The following BPIFB4 variants were observed in gnomAD, a reference collection of about 807,000 sequenced individuals.
BPIFB4 encodes BPI fold containing family B member 4.
BPIFB4 carries 62 observed loss-of-function variants against 69.2 expected under a neutral mutation model. That is an observed-to-expected ratio of 0.90 (90% CI 0.73 to 1.11). The LOEUF is 1.11. Ranked by LOEUF, BPIFB4 falls within the 50% of genes least tolerant of loss-of-function variation. The probability of loss-of-function intolerance (pLI) is 0.00; values close to 1 mark genes in which losing one functional copy is unlikely to be tolerated. For synonymous variants in BPIFB4, 330 were observed against 332.7 expected (o/e 0.99, Z 0.09); for missense variants, 789 against 792.0 (o/e 1.00, Z 0.04).
chr20:33,083,506 C>A lies in BPIFB4; in HGVS notation c.309C>A (p.Tyr103Ter). The A allele has an allele frequency of 6.2e-7, 1 of 1,614,002 alleles. No homozygotes were observed. The highest frequency in any genetic ancestry group is 8.5e-7 in the Non-Finnish European group (1 of 1,179,966). ...ACACTGCTCAGCTGGGGGGCAAATA[C>A]CGATATGGTGAGATCCTTGAGTCCG... is the stretch of plus-strand genomic sequence containing the variant. ...NDNTAQLGGK[Y>*]RYGEILESEG... is the part of the protein sequence containing the mutation. Residue 103 changes from tyrosine (Y) to a stop codon, truncating the protein, a stop_gained, in exon 5 of 18, where the codon TAC becomes TAA. Transcript: ENST00000375483. LOFTEE classifies it high-confidence loss of function.
chr20:33,082,805 C>A, intron 3 of BPIFB4, 133 bp from the exon 4 acceptor site: 1 of 849,078 alleles, frequency 1.2e-6, no homozygotes. Flanking sequence ...AGAAGTCATC[C>A]CGTTCAGCCT....
At position 33,100,758 on chromosome 20, in the gene BPIFB4, G is replaced by A. The variant is rs537507850; in HGVS notation, c.1637+265G>A. Among the ~76,000 whole-genome samples, 3 of 152,368 alleles carry A rather than the reference G, an allele frequency of 2.0e-5. No homozygotes were observed. The South Asian group carries it at 6.2e-4, about 32-fold the overall frequency. The stretch of plus-strand genomic sequence containing the variant: ...GGTGTGGGCACAGTAGCCCATGCCT[G>A]TAGTCTCAGTGCTTTGGGAGGCCGA... On this transcript the variant is annotated intron_variant, in intron 14 of 17. Transcript: ENST00000375483.
chr20:33,082,889 G>A, intron 3 of BPIFB4, 49 bp from the exon 4 acceptor site: 1 of 1,553,108 alleles, frequency 6.4e-7, no homozygotes, highest in Non-Finnish European at 8.9e-7. Context: ...GGGGGCTGGA[G>A]GTGGAAAAAA....
Position 33,083,301 on chromosome 20 carries a change from G to C in BPIFB4, c.170-66G>C. ...AGAGGGGGGCTGCTGGGTGGCAGTG[G>C]TGGTGGTCTTTTGGGTGGTGGCCGA... On this transcript the variant is annotated intron_variant, in intron 4 of 17. Coordinates refer to ENST00000375483, the MANE Select transcript of BPIFB4 (RefSeq NM_182519.3). The C allele has an allele frequency of 3.3e-6, 5 of 1,528,354 alleles. No individual in the cohort carries two copies. In the South Asian group the frequency reaches 4.9e-5, roughly 15 times the overall value. The allele number at this position is 1,528,354 out of a possible 1,614,324, so 94.7% of individuals were successfully genotyped here. A position where few individuals can be genotyped will look rare whatever the true frequency, so the allele number is the denominator to read the frequency against.
chr20:33,099,582 C>A (rs931149312), intron 13 of BPIFB4, among the ~76,000 whole-genome samples: 8 of 152,194 alleles, frequency 5.3e-5, no homozygotes, highest in African/African-American at 1.7e-4. Context: ...GGCCTCCTCT[C>A]TACCTCTCTA....
rs774809462 is a variant in BPIFB4 at position 33,092,644 on chromosome 20, A to C, written c.1330A>C (p.Ile444Leu). ...GAAGCAGCATGCTCTAGACCTGGAT[A>C]TCACCAATGGCATGGTGAGTCACAG... ...LQKQHALDLD[I>L]TNGMFEELPP... is the part of the protein sequence containing the mutation. Residue 444 changes from isoleucine (I) to leucine (L), a missense_variant, in exon 11 of 18, where the codon ATC becomes CTC. Ile to Leu is a conservative substitution (Grantham distance 5). Transcript: ENST00000375483. The C allele has an allele frequency of 1.9e-6, 3 of 1,610,692 alleles. No individual in the cohort carries two copies. Among genetic ancestry groups the C allele is most frequent in the Non-Finnish European group, 2.5e-6 (3 of 1,179,872 alleles).
At position 33,104,868 on chromosome 20, in the gene BPIFB4, T is replaced by A; in HGVS notation, c.1739T>A (p.Met580Lys). Residue 580 changes from methionine to lysine, a missense_variant, in exon 16 of 18, where the codon ATG becomes AAG. This residue lies in a region of BPIFB4 where 170 missense variants were observed against 193.6 expected (regional missense o/e 0.88). Transcript: ENST00000375483. ...KIFDLAFMPA[M>K]NAVLGSGVPL... ...TTTGACCTGGCATTCATGCCCGCAATGAACGGTGAGAGCGGGTGCCTGTGC... is the reference window on the plus strand; with the variant it reads ...TTTGACCTGGCATTCATGCCCGCAAAGAACGGTGAGAGCGGGTGCCTGTGC... 1.4e-5 allele frequency: 23 copies of A among 1,614,106 alleles called. 1 individual carries two copies. The highest frequency in any genetic ancestry group is 1.9e-5 in the Non-Finnish European group (22 of 1,179,986).
intron 16 of BPIFB4, among the ~76,000 whole-genome samples, chr20:33,107,256 A>G (rs370975627): frequency 8.7e-4 from 122 of 139,684 alleles, no homozygotes; most frequent in African/African-American, 3.0e-3. Context: ...AGAAAAGAAA[A>G]GAAGAGAAAA....
chr20:33,099,353 A>G (rs1400714372), intron 13 of BPIFB4, among the ~76,000 whole-genome samples: 3 of 152,136 alleles, frequency 2.0e-5, no homozygotes, highest in Admixed American at 2.0e-4. Context: ...CTAGCCCACG[A>G]GTGGGAATGG....
chr20:33,101,969 C>T (rs1021925119), intron 14 of BPIFB4, among the ~76,000 whole-genome samples: 1 of 152,190 alleles, frequency 6.6e-6, no homozygotes, highest in African/African-American at 2.4e-5. Flanking sequence ...TTTTCTTTTA[C>T]AACCAATATT....
chr20:33,083,403 G>A lies in BPIFB4; in HGVS notation c.206G>A (p.Arg69Gln), dbSNP rs13036385. ...GDIPYNDFHV[R>Q]GPPPVYTNGK... ...ATTCCCTACAATGACTTCCATGTCC[G>A]AGGACCCCCCCCAGTATATACCAAC... Residue 69 changes from arginine to glutamine, a missense_variant, in exon 5 of 18, where the codon CGA becomes CAA. Around this residue, in one of 3 missense-constraint regions of BPIFB4, gnomAD observed 611 missense variants for 575.4 expected, o/e 1.06. Transcript: ENST00000375483. The A allele has an allele frequency of 2.6e-5, 42 of 1,613,040 alleles. No homozygotes were observed. Among genetic ancestry groups the A allele is most frequent in the East Asian group, 8.9e-5 (4 of 44,840 alleles).
chr20:33,106,207 C>T lies in BPIFB4; in HGVS notation c.1744+1334C>T, dbSNP rs146371269. Among the ~76,000 whole-genome samples the T allele has an allele frequency of 3.2e-3, 485 of 152,224 alleles. 1 individual carries two copies. Among genetic ancestry groups the T allele is most frequent in the African/African-American group, 0.011 (472 of 41,520 alleles). ...GCTCTCTTTCTAGAACAGTAATTAG[C>T]AGGTTTACTTAGGCTCTGACAATCT... On this transcript the variant is annotated intron_variant, in intron 16 of 17. Coordinates refer to ENST00000375483, the MANE Select transcript of BPIFB4 (RefSeq NM_182519.3).
intron 10 of BPIFB4, among the ~76,000 whole-genome samples, chr20:33,091,658 A>G (rs1362704747): frequency 6.6e-6 from 1 of 152,230 alleles, no homozygotes; most frequent in East Asian, 1.9e-4. Context: ...AGAGATATTC[A>G]TTGGTCACCC....
At chr20:33,110,751 A>AT (rs200479862) in intron 17 of BPIFB4, among the ~76,000 whole-genome samples, 5,353 of 111,424 alleles carry the variant, frequency 0.048, 172 homozygotes, top group Middle Eastern at 0.13. Context: ...AGACTCACGA[A>AT]TTTTTTTTTT....
intron 6 of BPIFB4, 21 bp downstream of exon 6, chr20:33,085,017 A>C: frequency 6.2e-7 from 1 of 1,605,302 alleles, no homozygotes; most frequent in Non-Finnish European, 8.5e-7. Flanking sequence ...TTGGCCCTGG[A>C]GGGGTCCCCA....
At chr20:33,095,700 C>T (rs575922781) in intron 12 of BPIFB4, among the ~76,000 whole-genome samples, 8 of 152,300 alleles carry the variant, frequency 5.3e-5, no homozygotes, top group South Asian at 2.1e-4. Context: ...ATCTGGAAAA[C>T]GGGGTAACCA....
At chr20:33,098,439 G>C (rs765840752) in intron 13 of BPIFB4, among the ~76,000 whole-genome samples, 5 of 152,106 alleles carry the variant, frequency 3.3e-5, no homozygotes, top group Non-Finnish European at 7.4e-5. Flanking sequence ...TCATAGAAAG[G>C]AATCCTCTTA....
chr20:33,102,868 A>C, intron 14 of BPIFB4, 104 bp from the exon 15 acceptor site: 1 of 1,147,282 alleles, frequency 8.7e-7, no homozygotes, highest in South Asian at 1.2e-5. Context: ...GTGGAGAGTG[A>C]TCGTGAGGAT....
intron 15 of BPIFB4, among the ~76,000 whole-genome samples, chr20:33,104,435 G>C (rs1981987817): frequency 6.6e-6 from 1 of 152,162 alleles, no homozygotes; most frequent in Non-Finnish European, 1.5e-5. Context: ...TGGGAACCTG[G>C]GGTGTTGGCT....
Sources: allele counts gnomAD v4.1 joint callset (sites outside exome capture counted in the v4.1 genomes callset), GRCh38; gene constraint gnomAD v4.1.1; regional missense constraint gnomAD v4.1.1; transcripts MANE v1.5; gene names NCBI Gene and HGNC (gene_info 2026-07-23, HGNC 2026-07-21).